The following DCUN1D4 variants were observed in gnomAD, a reference collection of about 807,000 sequenced individuals.
DCUN1D4 encodes the protein defective in cullin neddylation 1 domain containing 4.
DCUN1D4 carries 22 observed loss-of-function variants against 47.9 expected under a neutral mutation model. The observed-to-expected ratio is 0.46, with a 90% CI of 0.33 to 0.66. The LOEUF is 0.66. Ranked by LOEUF, DCUN1D4 falls within the 30% of genes least tolerant of loss-of-function variation. DCUN1D4 has a pLI of 0.02. For missense variants in DCUN1D4, 301 were observed against 340.8 expected (o/e 0.88, Z 0.92); for synonymous variants, 121 against 112.2 (o/e 1.08, Z -0.50).
At chr4:51,878,300 C>A (rs1560485279) in intron 5 of DCUN1D4, among the ~76,000 whole-genome samples, 1 of 152,040 alleles carries the variant, frequency 6.6e-6, no homozygotes, top group Non-Finnish European at 1.5e-5. Flanking sequence ...TAAATTTAGT[C>A]TTTCTTTTTG....
At chr4:51,864,535 A>T (rs1725594562) in intron 3 of DCUN1D4, among the ~76,000 whole-genome samples, 1 of 152,194 alleles carries the variant, frequency 6.6e-6, no homozygotes, top group African/African-American at 2.4e-5. Flanking sequence ...TTGATTGTTC[A>T]TGGTTCTGGA....
chr4:51,853,989 G>A (rs375196883), intron 1 of DCUN1D4, among the ~76,000 whole-genome samples: 5 of 152,284 alleles, frequency 3.3e-5, no homozygotes, highest in African/African-American at 1.2e-4. Context: ...TATGAGGCAG[G>A]CACTGTGATT....
intron 5 of DCUN1D4, chr4:51,878,081 A>G (rs561289197): frequency 3.9e-5 from 11 of 281,612 alleles, no homozygotes; most frequent in African/African-American, 2.2e-4. Context: ...AACTGAAAAG[A>G]TGAAATGACT....
the DCUN1D4 span, among the ~76,000 whole-genome samples, chr4:51,834,038 GTCTTTCTC>G: frequency 1.1e-5 from 1 of 87,836 alleles, no homozygotes; most frequent in Admixed American, 1.3e-4. Context: ...TTTGTTAGGA[GTCTTTCTC>G]TCTCTCTCTC....
intron 8 of DCUN1D4, among the ~76,000 whole-genome samples, chr4:51,902,952 C>T (rs1732339336): frequency 6.6e-6 from 1 of 152,062 alleles, no homozygotes; most frequent in Non-Finnish European, 1.5e-5. Flanking sequence ...ATGTATAATG[C>T]AAGAATCTTT....
At chr4:51,876,304 A>G (rs1727658305) in intron 4 of DCUN1D4, among the ~76,000 whole-genome samples, 1 of 152,124 alleles carries the variant, frequency 6.6e-6, no homozygotes, top group Non-Finnish European at 1.5e-5. Flanking sequence ...ATTCTCAGCA[A>G]ACTATCGCAA....
chr4:51,855,796 GTCTC>G (rs1408302609), intron 1 of DCUN1D4, among the ~76,000 whole-genome samples: 2 of 152,174 alleles, frequency 1.3e-5, no homozygotes, highest in Non-Finnish European at 2.9e-5. Flanking sequence ...GTTGGAATGG[GTCTC>G]TGCTCCACAT....
intron 6 of DCUN1D4, chr4:51,887,049 C>T: frequency 4.4e-6 from 2 of 452,354 alleles, no homozygotes; most frequent in Non-Finnish European, 8.8e-6. Context: ...AGATTGTAAT[C>T]ATCAAGAATT....
intron 3 of DCUN1D4, among the ~76,000 whole-genome samples, chr4:51,869,572 T>G (rs1443021072): frequency 6.6e-6 from 1 of 152,142 alleles, no homozygotes; most frequent in South Asian, 2.1e-4. Context: ...CCTCTTGTAC[T>G]CTTTTTTACT....
the DCUN1D4 span, among the ~76,000 whole-genome samples, chr4:51,837,354 C>G: frequency 6.6e-6 from 1 of 152,196 alleles, no homozygotes; most frequent in African/African-American, 2.4e-5. Context: ...CTTGCTAATG[C>G]TACCCTGATA....
chr4:51,876,935 T>TGGGG (rs1727804857), intron 4 of DCUN1D4, among the ~76,000 whole-genome samples: 2 of 152,210 alleles, frequency 1.3e-5, no homozygotes, highest in Non-Finnish European at 2.9e-5. Context: ...AAAATGTATA[T>TGGGG]ACTTATAATT....
chr4:51,875,839 C>T (rs977991042), intron 4 of DCUN1D4, among the ~76,000 whole-genome samples: 1 of 152,058 alleles, frequency 6.6e-6, no homozygotes, highest in African/African-American at 2.4e-5. Context: ...GCTCTTGGTT[C>T]TTTTTTATGT....
chr4:51,893,415 C>A (rs1730753136), intron 7 of DCUN1D4, among the ~76,000 whole-genome samples: 1 of 136,586 alleles, frequency 7.3e-6, no homozygotes, highest in South Asian at 2.1e-4. Context: ...CTTCCTTTTT[C>A]TTTTCTTTTC....
In DCUN1D4 at chr4:51,908,771, T is replaced by C. The variant is rs1578056566; in HGVS notation, c.616-2299T>C. ...TAGTAGATGTTTGCTGTGGGAGCTCTCGACTGTTGTTCCCGGGAATTTTTA... is the reference window on the plus strand; with the variant it reads ...TAGTAGATGTTTGCTGTGGGAGCTCCCGACTGTTGTTCCCGGGAATTTTTA... On this transcript the variant is annotated intron_variant, in intron 8 of 10. Coordinates refer to ENST00000334635, the MANE Select transcript of DCUN1D4 (RefSeq NM_001040402.3). The C allele has an allele frequency of 2.2e-5, 9 of 404,236 alleles. No individual in the cohort carries two copies. In the East Asian group the frequency reaches 6.5e-4, roughly 29 times the overall value. 25.0% of individuals were successfully genotyped at this position (404,236 alleles called of 1,614,324 possible).
intron 4 of DCUN1D4, among the ~76,000 whole-genome samples, chr4:51,876,343 C>T (rs1195190865): frequency 2.0e-5 from 3 of 151,558 alleles, no homozygotes; most frequent in South Asian, 2.1e-4. Context: ...CGCATGTTCT[C>T]ACTCATAGGT....
intron 8 of DCUN1D4, 156 bp from the exon 9 acceptor site, chr4:51,910,914 C>T (rs1733631720): frequency 4.6e-6 from 3 of 655,912 alleles, no homozygotes; most frequent in South Asian, 3.8e-5. Flanking sequence ...GTTTGACTAC[C>T]TCCCCTCCCT....
chr4:51,851,569 G>T (rs996488831), intron 1 of DCUN1D4, among the ~76,000 whole-genome samples: 2 of 151,980 alleles, frequency 1.3e-5, no homozygotes, highest in African/African-American at 4.8e-5. Flanking sequence ...TGGCAGGGGT[G>T]GGGTGGGGTC....
At chr4:51,853,456 C>G (rs1030938925) in intron 1 of DCUN1D4, among the ~76,000 whole-genome samples, 3 of 152,204 alleles carry the variant, frequency 2.0e-5, no homozygotes, top group African/African-American at 7.2e-5. Flanking sequence ...GCTCTGCAAT[C>G]TTTTTCCTGG....
At chr4:51,885,816 G>C (rs558689382) in intron 5 of DCUN1D4, among the ~76,000 whole-genome samples, 1 of 152,306 alleles carries the variant, frequency 6.6e-6, no homozygotes, top group Admixed American at 6.5e-5. Context: ...AGCCAGATGA[G>C]AGAGGGTGCT....
Sources: gnomAD v4.1 joint callset for allele counts (sites outside exome capture counted in the v4.1 genomes callset) on GRCh38, gnomAD v4.1.1 for gene constraint, MANE v1.5 for transcripts, NCBI Gene and HGNC (gene_info 2026-07-23, HGNC 2026-07-21) for gene names.